The following ATP9B variants were observed in gnomAD, a reference collection of about 807,000 sequenced individuals.
The protein encoded by ATP9B is ATPase phospholipid transporting 9B.
ATP9B carries 110 observed loss-of-function variants against 146.1 expected under a neutral mutation model. The observed-to-expected ratio is 0.75, with a 90% CI of 0.65 to 0.88. The LOEUF is 0.88. Ranked by LOEUF, ATP9B falls within the 40% of genes least tolerant of loss-of-function variation. ATP9B has a pLI of 0.00. For synonymous variants in ATP9B, 604 were observed against 569.7 expected, an observed-to-expected ratio of 1.06 and a Z score of -0.86; for missense variants, 1,499 against 1,496.4, an observed-to-expected ratio of 1.00 and a Z score of -0.03.
At chr18:79,359,247 A>G (rs1568816800) in intron 25 of ATP9B, 107 bp from the exon 26 acceptor site, 2 of 756,396 alleles carry the variant, frequency 2.6e-6, no homozygotes, top group African/African-American at 3.7e-5. Context: ...GTTTTTGTGG[A>G]GTATTTTTTG....
At chr18:79,300,183 A>G (rs2096581107) in intron 13 of ATP9B, among the ~76,000 whole-genome samples, 1 of 152,122 alleles carries the variant, frequency 6.6e-6, no homozygotes, top group Admixed American at 6.5e-5. Flanking sequence ...GGAGGGGGGC[A>G]CTCCATGTCT....
intron 13 of ATP9B, among the ~76,000 whole-genome samples, chr18:79,293,084 G>C (rs2096522996): frequency 1.3e-5 from 2 of 151,300 alleles, no homozygotes; most frequent in African/African-American, 4.9e-5. Flanking sequence ...AGGATGCCAA[G>C]ATAATGCTAT....
chr18:79,330,715 T>A (rs921459206), intron 17 of ATP9B, among the ~76,000 whole-genome samples: 1 of 152,226 alleles, frequency 6.6e-6, no homozygotes, highest in Non-Finnish European at 1.5e-5. Flanking sequence ...GCCCAGCCAA[T>A]AATTTACTTT....
chr18:79,090,478 A>T (rs1448265088), intron 1 of ATP9B, among the ~76,000 whole-genome samples: 1 of 152,162 alleles, frequency 6.6e-6, no homozygotes, highest in African/African-American at 2.4e-5. Flanking sequence ...AACTTGGGTG[A>T]GATGATCTCT....
chr18:79,166,063 C>T (rs1277458308), intron 7 of ATP9B, among the ~76,000 whole-genome samples: 1 of 152,146 alleles, frequency 6.6e-6, no homozygotes, highest in Non-Finnish European at 1.5e-5. Flanking sequence ...TCCCCAGCTC[C>T]AATGCCATAC....
intron 11 of ATP9B, among the ~76,000 whole-genome samples, chr18:79,246,715 GCCCCGCGCT>G (rs1244886763): frequency 6.6e-6 from 1 of 152,154 alleles, no homozygotes; most frequent in Non-Finnish European, 1.5e-5. Context: ...TGCTGGCCGC[GCCCCGCGCT>G]CCCCGCGCTC....
chr18:79,101,288 T>C (rs958980538), intron 2 of ATP9B, among the ~76,000 whole-genome samples: 1 of 152,162 alleles, frequency 6.6e-6, no homozygotes, highest in Admixed American at 6.5e-5. Context: ...TCAAGAATGT[T>C]ACATAACTGA....
chr18:79,244,665 A>G (rs1362436905), intron 11 of ATP9B, among the ~76,000 whole-genome samples: 2 of 152,218 alleles, frequency 1.3e-5, no homozygotes, highest in Non-Finnish European at 2.9e-5. Flanking sequence ...GTATATTTTA[A>G]GAGTGTTTCT....
At chr18:79,317,969 C>G (rs539905705) in intron 15 of ATP9B, among the ~76,000 whole-genome samples, 1 of 152,334 alleles carries the variant, frequency 6.6e-6, no homozygotes, top group East Asian at 1.9e-4. Flanking sequence ...ACACAGAAGC[C>G]AACTGGAAAA....
intron 7 of ATP9B, among the ~76,000 whole-genome samples, chr18:79,175,172 G>A (rs1332703273): frequency 6.9e-6 from 1 of 144,990 alleles, no homozygotes; most frequent in Non-Finnish European, 1.5e-5. Context: ...CTGCACTCCA[G>A]CCTGGCGACA....
intron 9 of ATP9B, among the ~76,000 whole-genome samples, chr18:79,202,508 G>A (rs541472068): frequency 6.6e-6 from 1 of 152,190 alleles, no homozygotes; most frequent in South Asian, 2.1e-4. Flanking sequence ...TGTTAAGTAG[G>A]GTATGCTGTT....
chr18:79,245,132 G>A (rs148501333), intron 11 of ATP9B, among the ~76,000 whole-genome samples: 1 of 152,248 alleles, frequency 6.6e-6, no homozygotes, highest in Non-Finnish European at 1.5e-5. Context: ...TGGCTTGTTT[G>A]TAAAATACAA....
chr18:79,155,862 A>C (rs537191075), intron 7 of ATP9B, among the ~76,000 whole-genome samples: 1 of 139,812 alleles, frequency 7.2e-6, no homozygotes, highest in African/African-American at 2.7e-5. Context: ...TCCTGGGTTC[A>C]TGCCACTCCC....
chr18:79,224,570 A>G (rs1478476704), intron 11 of ATP9B, among the ~76,000 whole-genome samples: 1 of 152,210 alleles, frequency 6.6e-6, no homozygotes, highest in Non-Finnish European at 1.5e-5. Flanking sequence ...TGTGGCTACC[A>G]TACATCAAAA....
Position 79,239,568 on chromosome 18 carries a change from G to T in ATP9B, c.1108-13813G>T, listed in dbSNP as rs1021509616. Among the ~76,000 whole-genome samples the T allele has an allele frequency of 6.6e-6, 1 of 152,050 alleles. No individual in the cohort carries two copies. The highest frequency in any genetic ancestry group is 1.5e-5 in the Non-Finnish European group (1 of 67,998). ...TCCTTCAACCTGGAGTCATTGTGCCGCCATTGTCTAGCATTGTGCCATGCT... is the reference window on the plus strand; with the variant it reads ...TCCTTCAACCTGGAGTCATTGTGCCTCCATTGTCTAGCATTGTGCCATGCT... On this transcript the variant is annotated intron_variant, in intron 11 of 29. Coordinates refer to ENST00000426216, the MANE Select transcript of ATP9B (RefSeq NM_198531.5). The surrounding 1 kb of genome is among the most constrained non-coding windows in gnomAD (Gnocchi z 5.1).
chr18:79,327,856 A>AGCGTGTTCTCCG (rs1568701129), intron 15 of ATP9B, among the ~76,000 whole-genome samples: 1 of 3,958 alleles, frequency 2.5e-4, no homozygotes, highest in African/African-American at 8.6e-4. Context: ...CGTGCTCTCC[A>AGCGTGTTCTCCG]TGGTTAGCGT....
chr18:79,277,612 C>T (rs2096326809), intron 13 of ATP9B, among the ~76,000 whole-genome samples: 1 of 152,020 alleles, frequency 6.6e-6, no homozygotes, highest in South Asian at 2.1e-4. Context: ...GTATTTAATA[C>T]TCAAATTCTC....
chr18:79,108,225 G>A (rs192274963), intron 2 of ATP9B, among the ~76,000 whole-genome samples: 10 of 152,270 alleles, frequency 6.6e-5, no homozygotes, highest in Admixed American at 3.9e-4. Flanking sequence ...GAGAGTGTTC[G>A]AGATGGACAG....
rs367718530 is a variant in ATP9B, at chr18:79,303,653, C to T, written c.1461C>T (p.Thr487=). ...TATTTAAGCGGCTGCACCTGGGCAC[C>T]GTGTCCTATGGCGCCGACACGATGG... ...EMIFKRLHLG[T]VSYGADTMDE... is the part of the protein sequence containing the mutation. Residue 487 remains threonine (T), a synonymous_variant, in exon 14 of 30, where the codon ACC becomes ACT. Coordinates refer to ENST00000426216, the MANE Select transcript of ATP9B (RefSeq NM_198531.5). The T allele has an allele frequency of 2.2e-5, 36 of 1,613,914 alleles. No individual in the cohort carries two copies. The highest frequency in any genetic ancestry group is 3.3e-5 in the South Asian group (3 of 91,062).
Sources: gnomAD v4.1 joint callset for allele counts (sites outside exome capture counted in the v4.1 genomes callset) on GRCh38, gnomAD v4.1.1 for gene constraint, Gnocchi (gnomAD v3.1) non-coding constraint, MANE v1.5 for transcripts, NCBI Gene and HGNC (gene_info 2026-07-23, HGNC 2026-07-21) for gene names.